PBRM1: variants seen among roughly 807,000 people sequenced by gnomAD.
The protein encoded by PBRM1 is polybromo 1.
A neutral mutation model predicts 194.5 loss-of-function variants in PBRM1; 27 were observed. The ratio of observed to expected loss-of-function variants is 0.14; its 90% CI spans 0.10 to 0.19. The LOEUF (loss-of-function observed/expected upper bound fraction) is 0.19, where lower values mean the gene tolerates loss of function less well. PBRM1 is among the 10% of genes least tolerant of loss of function. The pLI is 1.00. For missense variants in PBRM1, 1,466 were observed against 2,077.2 expected (o/e 0.71, Z 5.72); for synonymous variants, 655 against 693.2 (o/e 0.94, Z 0.87).
At chr3:52,553,318 T>C (rs2153414432) in intron 27 of PBRM1, among the ~76,000 whole-genome samples, 1 of 152,338 alleles carries the variant, frequency 6.6e-6, no homozygotes, top group Middle Eastern at 3.4e-3. Context: ...TTAGGTTTTC[T>C]TTAAAATAAT....
chr3:52,662,269 G>C (rs2153929707), exon 4 of PBRM1: 1 of 1,606,494 alleles, frequency 6.2e-7, no homozygotes, highest in Non-Finnish European at 8.5e-7. Context: ...ATATTCAGGA[G>C]AATCTGGCTG....
intron 8 of PBRM1, among the ~76,000 whole-genome samples, chr3:52,643,828 C>T (rs895242933): frequency 2.0e-5 from 3 of 152,078 alleles, no homozygotes; most frequent in East Asian, 1.9e-4. Flanking sequence ...AAAGATTAGC[C>T]GGGCATGGTG....
At chr3:52,666,402 G>A (rs954822697) in intron 3 of PBRM1, among the ~76,000 whole-genome samples, 1 of 152,158 alleles carries the variant, frequency 6.6e-6, no homozygotes, top group Non-Finnish European at 1.5e-5. Context: ...CAGGCATGAT[G>A]GTGGGTGCCT....
At chr3:52,636,757 CAAAAAAAAAAAAA>C (rs567776784) in intron 10 of PBRM1, among the ~76,000 whole-genome samples, 750 of 18,696 alleles carry the variant, frequency 0.04, 27 homozygotes, top group African/African-American at 0.13. Context: ...ACTCTGTCTC[CAAAAAAAAAAAAA>C]AAAAAAAAAA....
intron 16 of PBRM1, among the ~76,000 whole-genome samples, chr3:52,604,997 T>C (rs977497730): frequency 1.8e-4 from 20 of 108,328 alleles, no homozygotes; most frequent in African/African-American, 5.6e-4. Flanking sequence ...AAATAAAATG[T>C]GGGGAGTGGG....
rs1309839497 is a variant in PBRM1, at chr3:52,576,842, A to G, written c.3534-144T>C. The G allele has an allele frequency of 5.9e-6, 3 of 505,114 alleles. No individual in the cohort carries two copies. The African/African-American group carries it at 6.0e-5, about 10-fold the overall frequency. 31.3% of individuals were successfully genotyped at this position (505,114 alleles called of 1,614,324 possible). A position where few individuals can be genotyped will look rare whatever the true frequency, so the allele number is the denominator to read the frequency against. ...GCTGTTTTGGTAAGACAACTTCATT[A>G]ATTTTTTCCCCCATTAAACACATGA... On this transcript the variant is annotated intron_variant, in intron 21 of 29. Coordinates refer to ENST00000296302, the Ensembl canonical transcript of PBRM1.
chr3:52,660,618 TTC>T (rs2096704186), intron 4 of PBRM1, among the ~76,000 whole-genome samples: 1 of 152,074 alleles, frequency 6.6e-6, no homozygotes, highest in Non-Finnish European at 1.5e-5. Context: ...GTTCAAGCGA[TTC>T]TCCTGCCTCA....
intron 22 of PBRM1, among the ~76,000 whole-genome samples, chr3:52,571,310 G>A (rs1416616915): frequency 7.5e-6 from 1 of 133,506 alleles, no homozygotes; most frequent in African/African-American, 2.8e-5. Flanking sequence ...ACGACAGAAC[G>A]AGACACTGTC....
chr3:52,601,109 G>T (rs1242589461), intron 17 of PBRM1, among the ~76,000 whole-genome samples: 1 of 152,182 alleles, frequency 6.6e-6, no homozygotes, highest in East Asian at 1.9e-4. Context: ...TTTCGTAGAA[G>T]AGGACTTCTC....
Position 52,634,593 on chromosome 3 carries a change from A to C in PBRM1, c.1301+9T>G, listed in dbSNP as rs2095737892. On this transcript the variant is annotated intron_variant, in intron 11 of 29. Transcript: ENST00000296302. ...AAAATTATACTGAATAATGTAGAAG[A>C]CATCTTACCGGATCTGTTGTAGTGA... 1 of 1,521,986 alleles carries C rather than the reference A, an allele frequency of 6.6e-7. No individual in the cohort carries two copies. Among genetic ancestry groups the C allele is most frequent in the Non-Finnish European group, 9.1e-7 (1 of 1,097,048 alleles). 94.3% of individuals were successfully genotyped at this position (1,521,986 alleles called of 1,614,324 possible).
intron 3 of PBRM1, among the ~76,000 whole-genome samples, chr3:52,663,372 T>A (rs75991839): frequency 6.6e-6 from 1 of 152,314 alleles, no homozygotes; most frequent in African/African-American, 2.4e-5. Context: ...CAAGGACGAC[T>A]GCCCATCTCA....
chr3:52,633,191 T>TA (rs1240723963), intron 11 of PBRM1, among the ~76,000 whole-genome samples: 1 of 147,702 alleles, frequency 6.8e-6, no homozygotes, highest in East Asian at 1.9e-4. Flanking sequence ...TTGTCTCTGA[T>TA]TTTTTTTTTT....
intron 21 of PBRM1, 46 bp from the exon 24 acceptor site, chr3:52,576,744 T>G: frequency 6.9e-7 from 1 of 1,445,826 alleles, no homozygotes; most frequent in Non-Finnish European, 9.5e-7. Context: ...GTTTCCTTCT[T>G]GAAGGATTAA....
chr3:52,639,775 C>T (rs60830326), intron 10 of PBRM1, among the ~76,000 whole-genome samples: 2,118 of 147,188 alleles, frequency 0.014, 19 homozygotes, highest in South Asian at 0.037. Flanking sequence ...GTTTCTATGT[C>T]GAGCAGGCTG....
chr3:52,619,231 T>TA (rs1329569179), intron 13 of PBRM1, among the ~76,000 whole-genome samples: 1 of 152,212 alleles, frequency 6.6e-6, no homozygotes, highest in Non-Finnish European at 1.5e-5. Flanking sequence ...ACTAAGGTCC[T>TA]ATAGTATAGT....
chr3:52,566,165 TA>T (rs546026504), intron 22 of PBRM1, among the ~76,000 whole-genome samples: 10 of 147,308 alleles, frequency 6.8e-5, no homozygotes, highest in Admixed American at 2.0e-4. Flanking sequence ...ATGCCTGTAT[TA>T]AAAAAAAAAC....
intron 20 of PBRM1, among the ~76,000 whole-genome samples, chr3:52,584,325 T>A (rs116757263): frequency 7.6e-4 from 115 of 152,270 alleles, no homozygotes; most frequent in African/African-American, 2.5e-3. Context: ...CTTTCAAAAG[T>A]CTTACTAGTT....
chr3:52,549,930 T>A (rs2080493774), intron 29 of PBRM1, among the ~76,000 whole-genome samples: 1 of 146,016 alleles, frequency 6.8e-6, no homozygotes, highest in Admixed American at 6.8e-5. Flanking sequence ...CCAAAAACCA[T>A]TTTCAGGCCA....
chr3:52,628,741 G>A (rs2095524590), intron 12 of PBRM1, among the ~76,000 whole-genome samples, 153 bp downstream of exon 13: 1 of 151,958 alleles, frequency 6.6e-6, no homozygotes, highest in African/African-American at 2.4e-5. Flanking sequence ...CAAAGTGCTG[G>A]GATTACAGGT....
Sources: allele counts gnomAD v4.1 joint callset (sites outside exome capture counted in the v4.1 genomes callset), GRCh38; gene constraint gnomAD v4.1.1; transcripts MANE v1.5; gene names NCBI Gene and HGNC (gene_info 2026-07-23, HGNC 2026-07-21).